Variants in CXCL6 observed in about 807,000 individuals in gnomAD.
The protein encoded by CXCL6 is C-X-C motif chemokine 6.
In CXCL6, 18 loss-of-function variants were observed where a neutral mutation model predicts 10.5. The observed-to-expected ratio is 1.71, with a 90% confidence interval of 1.18 to 2.54. The LOEUF (loss-of-function observed/expected upper bound fraction) is 2.54. Ranked by LOEUF, CXCL6 falls within the 30% of genes most tolerant of loss-of-function variation. CXCL6 has a pLI of 0.00. For missense variants in CXCL6, 171 were observed against 145.7 expected, an observed-to-expected ratio of 1.17 and a Z score of -0.90; for synonymous variants, 82 against 68.3, an observed-to-expected ratio of 1.20 and a Z score of -0.99.
At chr4:73,836,936 GC>G in intron 1 of CXCL6, 27 bp from the exon 2 acceptor site, 1 of 1,603,930 alleles carries the variant, frequency 6.2e-7, no homozygotes, top group Non-Finnish European at 8.5e-7. Context: ...CCAGCAACCT[GC>G]CCTATAAAAA....
chr4:73,837,293 G>A lies in CXCL6; in HGVS notation c.326+7G>A. On this transcript the variant is annotated splice_region_variant and intron_variant, in intron 3 of 3. Coordinates refer to ENST00000226317, the MANE Select transcript of CXCL6 (RefSeq NM_002993.4). ...TCCAGAAAATTTTGGACAGGTATTT[G>A]TCCCTTTGATCTTTGTGGTGTTTTA... The A allele has an allele frequency of 6.2e-7, 1 of 1,610,586 alleles. No homozygotes were observed. Among genetic ancestry groups the A allele is most frequent in the Non-Finnish European group, 8.5e-7 (1 of 1,176,806 alleles).
Position 73,836,773 on chromosome 4 carries a change from C to A in CXCL6, c.23C>A (p.Ala8Glu), listed in dbSNP as rs749534611. The A allele has an allele frequency of 6.2e-7, 1 of 1,611,052 alleles. No homozygotes were observed. The highest frequency in any genetic ancestry group is 1.1e-5 in the South Asian group (1 of 90,872). ...ACTATGAGCCTCCCGTCCAGCCGCG[C>A]GGCCCGTGTCCCGGGTCCTTCGGGC... MSLPSSRAARVPGPSGSL... is the reference protein window; with the variant it reads MSLPSSREARVPGPSGSL... The change falls in exon 1 of 4, where the codon GCG becomes GAG. Residue 8 changes from alanine to glutamate, a missense_variant. Ala to Glu is a moderately radical substitution (Grantham distance 107). Transcript: ENST00000226317.
chr4:73,836,976 C>CT lies in CXCL6; in HGVS notation c.123dup (p.Ala42CysfsTer24). On this transcript the variant is annotated frameshift_variant, in exon 2 of 4. Coordinates refer to ENST00000226317, the MANE Select transcript of CXCL6 (RefSeq NM_002993.4). LOFTEE classifies it high-confidence loss of function. ...CTTTCTTCCCCAGCTGGTCCTGTCT[C>CT]TGCTGTGCTGACAGAGCTGCGTTGC... is the stretch of plus-strand genomic sequence containing the variant. The CT allele has an allele frequency of 1.2e-6, 2 of 1,610,228 alleles. No individual in the cohort carries two copies. The highest frequency in any genetic ancestry group is 1.7e-6 in the Non-Finnish European group (2 of 1,178,176).
intron 3 of CXCL6, 80 bp from the exon 4 acceptor site, chr4:73,837,543 C>T (rs1731131408): frequency 7.2e-7 from 1 of 1,391,580 alleles, no homozygotes; most frequent in Middle Eastern, 1.8e-4. Flanking sequence ...TTTTTTCCCC[C>T]ACCAAACGCT....
chr4:73,837,610 CTT>C lies in CXCL6; in HGVS notation c.327-10_327-9del. 1 of 1,561,140 alleles carries C rather than the reference CTT, an allele frequency of 6.4e-7. No homozygotes were observed. The highest frequency in any genetic ancestry group is 8.6e-7 in the Non-Finnish European group (1 of 1,164,796). On this transcript the variant is annotated splice_polypyrimidine_tract_variant and intron_variant, in intron 3 of 3. Transcript: ENST00000226317. ...GGGAATTGGTTATACTAATATAACT[CTT>C]TTCTCAACAGTGGAAACAAGAAAAA...
chr4:73,837,370 G>A lies in CXCL6; in HGVS notation c.326+84G>A, dbSNP rs904941373. ...CACAATGTCCTTATTCTCTCTGTAG[G>A]ATTTAGACTATGCTTAGAATTATAA... On this transcript the variant is annotated intron_variant, in intron 3 of 3. Transcript: ENST00000226317. The A allele has an allele frequency of 1.6e-5, 21 of 1,286,678 alleles. No homozygotes were observed. The African/African-American group carries it at 2.8e-4, about 17-fold the overall frequency. 79.7% of individuals were successfully genotyped at this position (1,286,678 alleles called of 1,614,324 possible).
Position 73,838,635 on chromosome 4 carries a change from T to C in CXCL6, c.*994T>C, listed in dbSNP as rs1731156023. The C allele has an allele frequency of 6.6e-6, 1 of 152,666 alleles. No homozygotes were observed. Among genetic ancestry groups the C allele is most frequent in the South Asian group, 2.1e-4 (1 of 4,838 alleles). 9.5% of individuals were successfully genotyped at this position (152,666 alleles called of 1,614,324 possible). ...CTTTTAAAGGTTTTGACCATTTTGTTATGAGGAATTATACATGTATCACAT... is the reference window on the plus strand; with the variant it reads ...CTTTTAAAGGTTTTGACCATTTTGTCATGAGGAATTATACATGTATCACAT... On this transcript the variant is annotated 3_prime_UTR_variant, in exon 4 of 4. Transcript: ENST00000226317.
At chr4:73,836,899 G>A (rs1261829837) in intron 1 of CXCL6, 40 bp downstream of exon 1, 1 of 1,607,696 alleles carries the variant, frequency 6.2e-7, no homozygotes, top group East Asian at 2.2e-5. Context: ...CAGCCTCTGC[G>A]GGGCCGCTGC....
intron 3 of CXCL6, 72 bp from the exon 4 acceptor site, chr4:73,837,551 G>C: frequency 6.9e-7 from 1 of 1,454,956 alleles, no homozygotes; most frequent in Non-Finnish European, 9.4e-7. Flanking sequence ...CCCACCAAAC[G>C]CTTTTGAAAA....
rs141260283 is a variant in CXCL6 at position 73,838,215 on chromosome 4, C to T, written c.*574C>T. Reference sequence around the variant, plus strand: ...CCGTTATCTGTGCAGAATATATTTCCTTATTCAGAATTTCTAAAAATTTAA... The same window carrying T: ...CCGTTATCTGTGCAGAATATATTTCTTTATTCAGAATTTCTAAAAATTTAA... On this transcript the variant is annotated 3_prime_UTR_variant, in exon 4 of 4. Coordinates refer to ENST00000226317, the MANE Select transcript of CXCL6 (RefSeq NM_002993.4). The T allele has an allele frequency of 1.3e-5, 2 of 152,214 alleles. No homozygotes were observed. The highest frequency in any genetic ancestry group is 2.1e-4 in the South Asian group (1 of 4,820). The allele number at this position is 152,214 out of a possible 1,614,324, so 9.4% of individuals were successfully genotyped here.
chr4:73,836,831 G>T lies in CXCL6; in HGVS notation c.81G>T (p.Leu27=), dbSNP rs1379061539. ...SLCALLALLL[L]LTPPGPLASA... Reference sequence around the variant, plus strand: ...GCGCGCTGCTCGCGCTGCTGCTCCTGCTGACGCCGCCGGGGCCCCTCGCCA... The same window carrying T: ...GCGCGCTGCTCGCGCTGCTGCTCCTTCTGACGCCGCCGGGGCCCCTCGCCA... Residue 27 remains leucine (L), a synonymous_variant, in exon 1 of 4, where the codon CTG becomes CTT. Coordinates refer to ENST00000226317, the MANE Select transcript of CXCL6 (RefSeq NM_002993.4). The T allele has an allele frequency of 6.2e-7, 1 of 1,612,116 alleles. No individual in the cohort carries two copies. The highest frequency in any genetic ancestry group is 1.3e-5 in the African/African-American group (1 of 74,832).
chr4:73,837,741 T>G lies in CXCL6; in HGVS notation c.*100T>G. On this transcript the variant is annotated 3_prime_UTR_variant, in exon 4 of 4. Transcript: ENST00000226317. The stretch of plus-strand genomic sequence containing the variant: ...GTAAGAATAAGAAGGAAGGGTTGGT[T>G]TTTTTCCATTTTCTACATGGATTCC... The G allele has an allele frequency of 2.0e-6, 2 of 1,008,174 alleles. No homozygotes were observed. Among genetic ancestry groups the G allele is most frequent in the Non-Finnish European group, 2.8e-6 (2 of 704,740 alleles). The allele number at this position is 1,008,174 out of a possible 1,614,324, so 62.5% of individuals were successfully genotyped here.
At position 73,837,301 on chromosome 4, in the gene CXCL6, G is replaced by C; in HGVS notation, c.326+15G>C. 1 of 1,600,398 alleles carries C rather than the reference G, an allele frequency of 6.2e-7. No homozygotes were observed. Among genetic ancestry groups the C allele is most frequent in the East Asian group, 2.2e-5 (1 of 44,802 alleles). ...ATTTTGGACAGGTATTTGTCCCTTT[G>C]ATCTTTGTGGTGTTTTAATATCTTC... is the stretch of plus-strand genomic sequence containing the variant. On this transcript the variant is annotated intron_variant, in intron 3 of 3. Transcript: ENST00000226317.
chr4:73,837,656 C>T lies in CXCL6; in HGVS notation c.*15C>T. ...AGAAAAACTGAGTAACAAAAAAGAC[C>T]ATGCATCATAAAATTGCCCAGTCTT... On this transcript the variant is annotated 3_prime_UTR_variant, in exon 4 of 4. Transcript: ENST00000226317. 1 of 1,550,398 alleles carries T rather than the reference C, an allele frequency of 6.4e-7. No individual in the cohort carries two copies. The highest frequency in any genetic ancestry group is 8.6e-7 in the Non-Finnish European group (1 of 1,160,574).
At position 73,837,787 on chromosome 4, in the gene CXCL6, G is replaced by A. The variant is rs1374949467; in HGVS notation, c.*146G>A. ...ATTCCCTACTTTGAAGAGTGTGGGGGAAAGCCTACGCTTCTCCCTGAAGTT... is the reference window on the plus strand; with the variant it reads ...ATTCCCTACTTTGAAGAGTGTGGGGAAAAGCCTACGCTTCTCCCTGAAGTT... On this transcript the variant is annotated 3_prime_UTR_variant, in exon 4 of 4. Coordinates refer to ENST00000226317, the MANE Select transcript of CXCL6 (RefSeq NM_002993.4). The A allele has an allele frequency of 1.7e-6, 1 of 591,356 alleles. No individual in the cohort carries two copies. The highest frequency in any genetic ancestry group is 2.9e-6 in the Non-Finnish European group (1 of 347,284). 36.6% of individuals were successfully genotyped at this position (591,356 alleles called of 1,614,324 possible).
In CXCL6 at chr4:73,836,968, T is replaced by C. The variant is rs1253574021; in HGVS notation, c.114T>C (p.Gly38=). The C allele has an allele frequency of 1.2e-6, 2 of 1,607,412 alleles. No homozygotes were observed. The highest frequency in any genetic ancestry group is 1.7e-6 in the Non-Finnish European group (2 of 1,176,618). Residue 38 remains glycine (G), a synonymous_variant, in exon 2 of 4, where the codon GGT becomes GGC. Coordinates refer to ENST00000226317, the MANE Select transcript of CXCL6 (RefSeq NM_002993.4). Reference sequence around the variant, plus strand: ...AAAAATGTCTTTCTTCCCCAGCTGGTCCTGTCTCTGCTGTGCTGACAGAGC... The same window carrying C: ...AAAAATGTCTTTCTTCCCCAGCTGGCCCTGTCTCTGCTGTGCTGACAGAGC... ...LTPPGPLASA[G]PVSAVLTELR... is the part of the protein sequence containing the mutation.
In CXCL6 at chr4:73,836,964, C is replaced by G; in HGVS notation, c.110C>G (p.Ala37Gly). The change falls in exon 2 of 4, where the codon GCT (alanine) becomes GGT (glycine). Residue 37 changes from alanine to glycine, a missense_variant and splice_region_variant. By Grantham distance (60) the Ala-to-Gly change is moderately conservative (BLOSUM62 0). Transcript: ENST00000226317. Reference protein sequence around the residue: ...LLTPPGPLASAGPVSAVLTEL... With the variant: ...LLTPPGPLASGGPVSAVLTEL... ...CTATAAAAATGTCTTTCTTCCCCAG[C>G]TGGTCCTGTCTCTGCTGTGCTGACA... The G allele has an allele frequency of 6.2e-7, 1 of 1,605,582 alleles. No homozygotes were observed. The highest frequency in any genetic ancestry group is 8.5e-7 in the Non-Finnish European group (1 of 1,175,732).
At chr4:73,837,327 T>C (rs759553133) in intron 3 of CXCL6, 41 bp downstream of exon 3, 12 of 1,501,354 alleles carry the variant, frequency 8.0e-6, no homozygotes, top group Admixed American at 1.7e-5. Flanking sequence ...TAATATCTTC[T>C]ATGGAAAGCA....
In CXCL6 at chr4:73,836,852, C is replaced by A. The variant is rs200457897; in HGVS notation, c.102C>A (p.Leu34=). 4 of 1,612,188 alleles carry A rather than the reference C, an allele frequency of 2.5e-6. No individual in the cohort carries two copies. The South Asian group carries it at 4.4e-5, about 18-fold the overall frequency. The part of the protein sequence containing the change: ...LLLLLTPPGP[L]ASAGPVSAVL... ...TCCTGCTGACGCCGCCGGGGCCCCTCGCCAGCGGTGAGAGCTCCTGGCACT... is the reference window on the plus strand; with the variant it reads ...TCCTGCTGACGCCGCCGGGGCCCCTAGCCAGCGGTGAGAGCTCCTGGCACT... Residue 34 remains leucine, a synonymous_variant, in exon 1 of 4, where the codon CTC becomes CTA. Coordinates refer to ENST00000226317, the MANE Select transcript of CXCL6 (RefSeq NM_002993.4).
Sources: allele counts gnomAD v4.1 joint callset, GRCh38; gene constraint gnomAD v4.1.1; transcripts MANE v1.5; gene names NCBI Gene and HGNC (gene_info 2026-07-23, HGNC 2026-07-21).